The following TBC1D28 variants were observed in gnomAD, a reference collection of about 807,000 sequenced individuals.
The protein encoded by TBC1D28 is TBC1 domain family, member 28.
In TBC1D28, 20 loss-of-function variants were observed where a neutral mutation model predicts 29.2. The observed-to-expected ratio is 0.68, with a 90% CI of 0.48 to 0.99. TBC1D28 has a LOEUF of 0.99. Among genes scored for constraint, TBC1D28 ranks in the 50% least tolerant of loss-of-function variants. TBC1D28 has a pLI of 0.00. For synonymous variants in TBC1D28, 65 were observed against 90.9 expected (o/e 0.71, Z 1.62); for missense variants, 205 against 243.7 (o/e 0.84, Z 1.06).
chr17:18,642,890 G>C (rs2031832839), upstream of TBC1D28: 1 of 152,234 alleles, frequency 6.6e-6, no homozygotes, highest in African/African-American at 2.4e-5. Flanking sequence ...GTGACATTTT[G>C]AGGTCATGGC....
chr17:18,638,579 C>T, intron 6 of TBC1D28, 42 bp downstream of exon 7: 1 of 1,613,806 alleles, frequency 6.2e-7, no homozygotes, highest in Non-Finnish European at 8.5e-7. Flanking sequence ...TCTCCTGGCT[C>T]TGCAGAGAGC....
At chr17:18,643,540 A>G (rs2031865769), upstream of TBC1D28, among the ~76,000 whole-genome samples, 1 of 150,018 alleles carries the variant, frequency 6.7e-6, no homozygotes, top group African/African-American at 2.5e-5. Flanking sequence ...CCAACTGACC[A>G]TGTCCCCACT....
chr17:18,638,722 G>C lies in TBC1D28; in HGVS notation c.199-21C>G, dbSNP rs1385403740. 3 of 1,613,898 alleles carry C rather than the reference G, an allele frequency of 1.9e-6. No homozygotes were observed. In the African/African-American group the frequency reaches 4.0e-5, roughly 22 times the overall value. On this transcript the variant is annotated intron_variant, in intron 5 of 8. Coordinates refer to ENST00000345096, the Ensembl canonical transcript of TBC1D28. ...CTTTGCTGTCAAATGAGCCATGATGGAGTTAGCGGAGCTGTCAGTCGTCTG... is the reference window on the plus strand; with the variant it reads ...CTTTGCTGTCAAATGAGCCATGATGCAGTTAGCGGAGCTGTCAGTCGTCTG...
At chr17:18,638,370 C>G in exon 7 of TBC1D28, 1 of 1,614,230 alleles carries the variant, frequency 6.2e-7, no homozygotes, top group South Asian at 1.1e-5. Context: ...AAAGTGACAA[C>G]GCCCGGCCCC....
At chr17:18,638,360 A>C (rs770830682) in exon 7 of TBC1D28, 2 of 1,614,218 alleles carry the variant, frequency 1.2e-6, no homozygotes, top group South Asian at 2.2e-5. Context: ...ATATCTAGCA[A>C]AAGTGACAAC....
rs1419519756 is a variant in TBC1D28, at chr17:18,638,705, T to A, written c.199-4A>T. Reference sequence around the variant, plus strand: ...GTTTACTTTCCTTGCGTCTTTGCTGTCAAATGAGCCATGATGGAGTTAGCG... The same window carrying A: ...GTTTACTTTCCTTGCGTCTTTGCTGACAAATGAGCCATGATGGAGTTAGCG... On this transcript the variant is annotated splice_region_variant and splice_polypyrimidine_tract_variant and intron_variant, in intron 5 of 8. Coordinates refer to ENST00000345096, the Ensembl canonical transcript of TBC1D28. 6.2e-7 allele frequency: 1 copy of A among 1,614,036 alleles called. No individual in the cohort carries two copies. The highest frequency in any genetic ancestry group is 1.1e-5 in the South Asian group (1 of 91,082).
chr17:18,634,858 G>GCCTCAGCCGCCTCAGCCCCTCAGCC (rs2031413629), downstream of TBC1D28: 1 of 105,050 alleles, frequency 9.5e-6, no homozygotes, highest in Non-Finnish European at 2.0e-5. Flanking sequence ...CCCCTCAGCC[G>GCCTCAGCCGCCTCAGCCCCTCAGCC]CCTCAGCCGC....
At chr17:18,643,636 C>T (rs915913975), upstream of TBC1D28, among the ~76,000 whole-genome samples, 9 of 151,342 alleles carry the variant, frequency 5.9e-5, no homozygotes, top group South Asian at 2.1e-4. Flanking sequence ...ACCATGTCCT[C>T]GCTGACCAGT....
At chr17:18,640,252 C>A (rs2031701102) in intron 4 of TBC1D28, among the ~76,000 whole-genome samples, 1 of 150,168 alleles carries the variant, frequency 6.7e-6, no homozygotes, top group African/African-American at 2.5e-5. Flanking sequence ...CCACTGTTCC[C>A]TGCCCACCCC....
chr17:18,639,043 G>A (rs981336241), intron 5 of TBC1D28, 132 bp downstream of exon 6: 8 of 1,383,070 alleles, frequency 5.8e-6, no homozygotes, highest in South Asian at 1.4e-5. Flanking sequence ...CAGCAGGAAA[G>A]GCCACCCCTC....
upstream of TBC1D28, among the ~76,000 whole-genome samples, chr17:18,643,733 C>G (rs2031873123): frequency 6.6e-6 from 1 of 152,298 alleles, no homozygotes; most frequent in African/African-American, 2.4e-5. Flanking sequence ...TCAAGGTCCT[C>G]TACCACAACT....
chr17:18,642,766 G>A (rs2649512), upstream of TBC1D28: 2 of 152,276 alleles, frequency 1.3e-5, no homozygotes, highest in African/African-American at 2.4e-5. Flanking sequence ...TGTGTCTCTC[G>A]CTTAGAAAAG....
upstream of TBC1D28, chr17:18,642,560 C>A (rs533103599): frequency 6.6e-6 from 1 of 152,072 alleles, no homozygotes; most frequent in Non-Finnish European, 1.5e-5. Flanking sequence ...GGCCAGTCAC[C>A]GCCTCTCTGA....
exon 3 of TBC1D28, chr17:18,641,314 C>A (rs1193543944): frequency 6.2e-7 from 1 of 1,613,846 alleles, no homozygotes; most frequent in Admixed American, 1.7e-5. Context: ...TGCCTTGCCC[C>A]TGGGCAGGCA....
At chr17:18,638,812 C>T in intron 5 of TBC1D28, 111 bp from the exon 7 acceptor site, 1 of 1,355,364 alleles carries the variant, frequency 7.4e-7, no homozygotes, top group Non-Finnish European at 1.0e-6. Context: ...CTGAAGAAGC[C>T]AGGAAAGGGC....
intron 2 of TBC1D28, 67 bp downstream of exon 3, chr17:18,641,565 A>T (rs1435306039): frequency 1.6e-6 from 1 of 614,944 alleles, no homozygotes. Context: ...CTTCTTGAGG[A>T]TTTGAGCACA....
chr17:18,641,514 C>A (rs1234278653), intron 2 of TBC1D28, 118 bp downstream of exon 3: 10 of 778,716 alleles, frequency 1.3e-5, no homozygotes, highest in Non-Finnish European at 2.1e-5. Context: ...CCACCCCTGA[C>A]TGGATCTCTG....
chr17:18,638,195 A>C, intron 7 of TBC1D28, 118 bp downstream of exon 8: 9 of 1,339,728 alleles, frequency 6.7e-6, no homozygotes, highest in Non-Finnish European at 9.4e-6. Flanking sequence ...CAGGATGTGC[A>C]TCTGACCACA....
chr17:18,636,129 T>C (rs1227797348), exon 9 of TBC1D28: 2 of 1,118,390 alleles, frequency 1.8e-6, no homozygotes, highest in African/African-American at 1.6e-5. Flanking sequence ...TCTGCTATGC[T>C]CCTGTGGGGA....
Sources: allele counts gnomAD v4.1 joint callset (sites outside exome capture counted in the v4.1 genomes callset), GRCh38; gene constraint gnomAD v4.1.1; transcripts MANE v1.5; gene names NCBI Gene and HGNC (gene_info 2026-07-23, HGNC 2026-07-21).